CDK14: variants seen among roughly 807,000 people sequenced by gnomAD.
The protein encoded by CDK14 is cyclin-dependent kinase 14.
Under a neutral mutation model 60.7 loss-of-function variants are expected in CDK14, and 34 were observed. The observed-to-expected ratio is 0.56, with a 90% CI of 0.43 to 0.75. CDK14 has a LOEUF of 0.75. CDK14 is among the 30% of genes least tolerant of loss of function. CDK14 has a pLI of 0.00. For missense variants in CDK14, 482 were observed against 564.1 expected, an observed-to-expected ratio of 0.85 and a Z score of 1.47; for synonymous variants, 197 against 203.7, an observed-to-expected ratio of 0.97 and a Z score of 0.28.
At chr7:90,824,554 G>A (rs1015612773) in intron 5 of CDK14, 1 of 152,148 alleles carries the variant, frequency 6.6e-6, no homozygotes, top group Non-Finnish European at 1.5e-5. Context: ...TATCAAGGAG[G>A]GGAAATCATG....
rs982180060 is a variant in CDK14 at position 91,208,852 on chromosome 7, A to C, written c.*1716A>C. 1.3e-5 allele frequency: 2 copies of C among 152,644 alleles called. No individual in the cohort carries two copies. The highest frequency in any genetic ancestry group is 4.8e-5 in the African/African-American group (2 of 41,452). The allele number at this position is 152,644 out of a possible 1,614,324, so 9.5% of individuals were successfully genotyped here. A position where few individuals can be genotyped will look rare whatever the true frequency, so the allele number is the denominator to read the frequency against. On this transcript the variant is annotated 3_prime_UTR_variant, in exon 15 of 15. Transcript: ENST00000380050. ...ATGGTAAACTTTTAAGTGCTAAGCA[A>C]GGAATTATTTACTGATTGGTTTTAA... is the stretch of plus-strand genomic sequence containing the variant.
chr7:91,173,486 T>C (rs803178), intron 14 of CDK14, among the ~76,000 whole-genome samples: 146,046 of 151,828 alleles, frequency 0.96, 70,272 homozygotes, highest in East Asian at 1. Context: ...CTCCGGTCTA[T>C]AGCTCCCAGC....
intron 11 of CDK14, among the ~76,000 whole-genome samples, chr7:91,057,260 T>C (rs906070922): frequency 6.6e-6 from 1 of 151,982 alleles, no homozygotes; most frequent in Non-Finnish European, 1.5e-5. Flanking sequence ...GGGGTTGTTT[T>C]TTTCTTGTAA....
intron 10 of CDK14, among the ~76,000 whole-genome samples, chr7:91,040,422 A>G (rs942403619): frequency 1.4e-4 from 21 of 152,212 alleles, no homozygotes; most frequent in Admixed American, 1.4e-3. Flanking sequence ...AGCTAGAAAA[A>G]AATCTTCCAG....
chr7:90,818,859 T>C (rs1789443149), intron 5 of CDK14, among the ~76,000 whole-genome samples: 1 of 139,972 alleles, frequency 7.1e-6, no homozygotes, highest in Admixed American at 7.6e-5. Flanking sequence ...CAATATTTTC[T>C]CTCTCTCTAT....
intron 6 of CDK14, among the ~76,000 whole-genome samples, chr7:90,868,069 G>A (rs1472084438): frequency 6.6e-6 from 1 of 152,008 alleles, no homozygotes; most frequent in Non-Finnish European, 1.5e-5. Flanking sequence ...GTGCAAGACT[G>A]TAATGAGCTA....
intron 7 of CDK14, among the ~76,000 whole-genome samples, chr7:90,912,802 T>A (rs1403414927): frequency 6.6e-6 from 1 of 151,996 alleles, no homozygotes; most frequent in African/African-American, 2.4e-5. Context: ...GGTAGAGACA[T>A]AGTTTTGCCA....
chr7:90,866,196 T>TAGTATTGTC (rs1331879746), intron 6 of CDK14, among the ~76,000 whole-genome samples: 3 of 150,882 alleles, frequency 2.0e-5, no homozygotes, highest in Non-Finnish European at 4.4e-5. Context: ...GTCACATATA[T>TAGTATTGTC]GCCACTAGGG....
At chr7:90,773,658 C>T (rs1804874827) in intron 4 of CDK14, among the ~76,000 whole-genome samples, 1 of 152,156 alleles carries the variant, frequency 6.6e-6, no homozygotes, top group African/African-American at 2.4e-5. Context: ...AGGTGTGAGC[C>T]ACCTCGCCTG....
chr7:90,879,139 A>G (rs1791658959), intron 6 of CDK14, among the ~76,000 whole-genome samples: 1 of 152,198 alleles, frequency 6.6e-6, no homozygotes, highest in Non-Finnish European at 1.5e-5. Context: ...AGTATCCCAA[A>G]TTACTTACTA....
At chr7:90,952,617 C>A (rs1198108591) in intron 8 of CDK14, among the ~76,000 whole-genome samples, 1 of 152,196 alleles carries the variant, frequency 6.6e-6, no homozygotes, top group Non-Finnish European at 1.5e-5. Flanking sequence ...TCAGCCAAAG[C>A]AGCAACGTGC....
intron 3 of CDK14, among the ~76,000 whole-genome samples, chr7:90,731,781 G>A (rs1220064656): frequency 1.3e-5 from 2 of 152,146 alleles, no homozygotes; most frequent in Admixed American, 6.5e-5. Flanking sequence ...TCATGTCTCT[G>A]CAAACAGAGG....
intron 4 of CDK14, among the ~76,000 whole-genome samples, chr7:90,783,194 C>CT (rs1805419162): frequency 6.6e-6 from 1 of 152,052 alleles, no homozygotes; most frequent in Admixed American, 6.6e-5. Context: ...GCAATCAATT[C>CT]TTTTTATAGG....
chr7:90,905,858 T>A (rs955394324), intron 7 of CDK14, among the ~76,000 whole-genome samples: 1 of 152,152 alleles, frequency 6.6e-6, no homozygotes, highest in Non-Finnish European at 1.5e-5. Context: ...AAAATAGATG[T>A]AGCTTGGTAA....
In CDK14 at chr7:90,711,484, A is replaced by AT. The variant is rs144916447; in HGVS notation, c.124-15074dup. Reference sequence around the variant, plus strand: ...CCTTTACTTTGTGTGAGTTGTGAGGATTTTTTTTTCATCCTGTGACAGAAG... The same window carrying AT: ...CCTTTACTTTGTGTGAGTTGTGAGGATTTTTTTTTTCATCCTGTGACAGAAG... On this transcript the variant is annotated intron_variant, in intron 2 of 14. Coordinates refer to ENST00000380050, the MANE Select transcript of CDK14 (RefSeq NM_001287135.2). 5.3e-5 allele frequency among the ~76,000 whole-genome samples: 8 copies of AT among 150,186 alleles called. No homozygotes were observed. In the East Asian group the frequency reaches 7.9e-4, roughly 15 times the overall value.
chr7:90,761,749 C>T (rs1039214110), intron 4 of CDK14, among the ~76,000 whole-genome samples: 1 of 151,960 alleles, frequency 6.6e-6, no homozygotes, highest in African/African-American at 2.4e-5. Context: ...ATTATTTGGC[C>T]CAAAATGACA....
In CDK14 at chr7:90,649,348, CCTTCCTTCCTTCCTTCCTTTCCTT is replaced by C. The variant is rs1485104250; in HGVS notation, c.123+45101_123+45124del. Among the ~76,000 whole-genome samples, 3 of 50,322 alleles carry C rather than the reference CCTTCCTTCCTTCCTTCCTTTCCTT, an allele frequency of 6.0e-5. 1 individual carries two copies. Among genetic ancestry groups the C allele is most frequent in the African/African-American group, 3.7e-4 (3 of 8,142 alleles). The allele number at this position is 50,322 out of a possible 152,430, so 33.0% of individuals were successfully genotyped here. A position where few individuals can be genotyped will look rare whatever the true frequency, so the allele number is the denominator to read the frequency against. On this transcript the variant is annotated intron_variant, in intron 2 of 14. Coordinates refer to ENST00000380050, the MANE Select transcript of CDK14 (RefSeq NM_001287135.2). Reference sequence around the variant, plus strand: ...TCCTTCCTTCCTTCCTTCCTTCCTTCCTTCCTTCCTTCCTTCCTTTCCTTCCTTCCTTCCTTCCTTCCTTCCTTC... The same window carrying C: ...TCCTTCCTTCCTTCCTTCCTTCCTTCCCTTCCTTCCTTCCTTCCTTCCTTC...
chr7:90,600,415 T>G (rs141548303), intron 1 of CDK14, among the ~76,000 whole-genome samples: 1 of 152,358 alleles, frequency 6.6e-6, no homozygotes, highest in East Asian at 1.9e-4. Context: ...TTTTTTCATA[T>G]TCATTTGAAT....
At chr7:90,597,950 T>C (rs957511262) in intron 1 of CDK14, among the ~76,000 whole-genome samples, 4 of 152,106 alleles carry the variant, frequency 2.6e-5, no homozygotes, top group Non-Finnish European at 5.9e-5. Context: ...TTATTGCATG[T>C]ATTGGATATT....
Sources: allele counts gnomAD v4.1 joint callset (sites outside exome capture counted in the v4.1 genomes callset), GRCh38; gene constraint gnomAD v4.1.1; transcripts MANE v1.5; gene names NCBI Gene and HGNC (gene_info 2026-07-23, HGNC 2026-07-21).